IQCM: variants seen among roughly 807,000 people sequenced by gnomAD.
The protein encoded by IQCM is IQ domain-containing protein M.
Under a neutral mutation model 57.6 loss-of-function variants are expected in IQCM, and 45 were observed. That is an observed-to-expected ratio of 0.78 (90% CI 0.62 to 1.00). The LOEUF is 1.00. Ranked by LOEUF, IQCM falls within the 50% of genes least tolerant of loss-of-function variation. IQCM has a pLI of 0.00. For missense variants in IQCM, 468 were observed against 511.6 expected (o/e 0.91, Z 0.82); for synonymous variants, 148 against 158.9 (o/e 0.93, Z 0.51).
chr4:149,661,437 C>T (rs1760202453), intron 7 of IQCM, among the ~76,000 whole-genome samples: 1 of 152,042 alleles, frequency 6.6e-6, no homozygotes, highest in South Asian at 2.1e-4. Flanking sequence ...GTGTCCTTGT[C>T]TGTTTTGGAA....
intron 12 of IQCM, among the ~76,000 whole-genome samples, chr4:149,508,225 C>A (rs943185212): frequency 2.0e-5 from 3 of 152,096 alleles, no homozygotes; most frequent in African/African-American, 7.2e-5. Context: ...AGCCCCCAAA[C>A]AAAGTCCCTA....
intron 8 of IQCM, among the ~76,000 whole-genome samples, chr4:149,609,134 A>T (rs1011136152): frequency 2.6e-5 from 4 of 151,778 alleles, no homozygotes; most frequent in African/African-American, 9.7e-5. Flanking sequence ...ATTAATTGGA[A>T]AGCCTATAAA....
At chr4:149,807,906 G>T (rs1398610435) in intron 2 of IQCM, among the ~76,000 whole-genome samples, 1 of 151,962 alleles carries the variant, frequency 6.6e-6, no homozygotes, top group Non-Finnish European at 1.5e-5. Flanking sequence ...TTATTAAAAA[G>T]ACAAAAAATA....
At chr4:149,583,248 A>C (rs767248946) in intron 9 of IQCM, among the ~76,000 whole-genome samples, 26 of 151,580 alleles carry the variant, frequency 1.7e-4, no homozygotes, top group Non-Finnish European at 3.7e-4. Context: ...TTTGAAAATA[A>C]GGAAAACTCA....
intron 5 of IQCM, among the ~76,000 whole-genome samples, chr4:149,705,840 A>G (rs1422813141): frequency 1.3e-5 from 2 of 151,956 alleles, no homozygotes; most frequent in African/African-American, 4.8e-5. Context: ...TTATATTTAA[A>G]GTCAATGCCA....
intron 13 of IQCM, among the ~76,000 whole-genome samples, chr4:149,379,848 C>T (rs1730955783): frequency 6.6e-6 from 1 of 152,076 alleles, no homozygotes; most frequent in African/African-American, 2.4e-5. Flanking sequence ...TGTCCTCACC[C>T]AAATCTCATC....
At chr4:149,717,310 G>C (rs754136753) in intron 5 of IQCM, among the ~76,000 whole-genome samples, 27 of 152,118 alleles carry the variant, frequency 1.8e-4, no homozygotes, top group Non-Finnish European at 3.2e-4. Context: ...TGTCAGATTT[G>C]AATTGAATTG....
chr4:149,637,548 C>T (rs1191167183), intron 7 of IQCM, among the ~76,000 whole-genome samples: 1 of 152,026 alleles, frequency 6.6e-6, no homozygotes, highest in Admixed American at 6.6e-5. Flanking sequence ...TTTACCTGGA[C>T]AGGCAAAAGA....
At chr4:149,372,086 A>T (rs966893787) in intron 13 of IQCM, among the ~76,000 whole-genome samples, 2 of 152,324 alleles carry the variant, frequency 1.3e-5, no homozygotes, top group African/African-American at 4.8e-5. Context: ...TAAAGCTAAC[A>T]ATTTAAGTAA....
chr4:149,712,265 T>TG, intron 5 of IQCM, among the ~76,000 whole-genome samples: 1 of 152,116 alleles, frequency 6.6e-6, no homozygotes, highest in East Asian at 1.9e-4. Context: ...ACTGACTTGC[T>TG]CAGGCAACAG....
chr4:149,532,774 CA>C (rs1312623390), intron 12 of IQCM, among the ~76,000 whole-genome samples: 4 of 152,110 alleles, frequency 2.6e-5, no homozygotes, highest in Non-Finnish European at 4.4e-5. Flanking sequence ...TGGGTATTAG[CA>C]GTGAACATGC....
intron 11 of IQCM, 117 bp from the exon 12 acceptor site, chr4:149,548,706 A>C: frequency 2.2e-6 from 1 of 454,320 alleles, no homozygotes. Flanking sequence ...GTCTAGCACT[A>C]TATCAACCTT....
intron 5 of IQCM, among the ~76,000 whole-genome samples, chr4:149,688,377 T>C (rs1319362374): frequency 2.0e-5 from 3 of 151,668 alleles, no homozygotes; most frequent in African/African-American, 7.3e-5. Flanking sequence ...AATAAAATAC[T>C]TAAGAATATA....
chr4:149,796,321 C>T (rs1366048792), intron 2 of IQCM, among the ~76,000 whole-genome samples: 2 of 152,162 alleles, frequency 1.3e-5, no homozygotes, highest in African/African-American at 4.8e-5. Context: ...AGTGAGGCTC[C>T]TCTCCCTTCG....
At chr4:149,711,951 T>C (rs1459880944) in intron 5 of IQCM, among the ~76,000 whole-genome samples, 3 of 152,188 alleles carry the variant, frequency 2.0e-5, no homozygotes, top group Non-Finnish European at 2.9e-5. Context: ...GAGTACTCAC[T>C]GGGCTTCTGG....
At chr4:149,394,044 T>C (rs1732049686) in intron 13 of IQCM, among the ~76,000 whole-genome samples, 1 of 152,038 alleles carries the variant, frequency 6.6e-6, no homozygotes, top group Admixed American at 6.6e-5. Flanking sequence ...CATTTCTTCA[T>C]TGTGTTCTCA....
At chr4:149,640,008 C>A (rs1758053375) in intron 7 of IQCM, among the ~76,000 whole-genome samples, 1 of 152,162 alleles carries the variant, frequency 6.6e-6, no homozygotes, top group Admixed American at 6.6e-5. Flanking sequence ...AAATTAAGCT[C>A]TTTTTCTTTC....
At chr4:149,370,282 A>G (rs1290959090) in intron 13 of IQCM, among the ~76,000 whole-genome samples, 1 of 152,218 alleles carries the variant, frequency 6.6e-6, no homozygotes, top group African/African-American at 2.4e-5. Flanking sequence ...TCTACTTAAC[A>G]TCTCTGTGAT....
intron 3 of IQCM, among the ~76,000 whole-genome samples, chr4:149,741,383 G>C (rs1464173583): frequency 6.6e-6 from 1 of 152,118 alleles, no homozygotes; most frequent in East Asian, 1.9e-4. Context: ...CTCAGACAGT[G>C]GTCAGGTTAC....
Sources: allele counts gnomAD v4.1 joint callset (sites outside exome capture counted in the v4.1 genomes callset), GRCh38; gene constraint gnomAD v4.1.1; transcripts MANE v1.5; gene names NCBI Gene and HGNC (gene_info 2026-07-23, HGNC 2026-07-21).